DOCK3: variants seen among roughly 807,000 people sequenced by gnomAD.
DOCK3 encodes dedicator of cytokinesis protein 3.
In DOCK3, 60 loss-of-function variants were observed where a neutral mutation model predicts 265.6. That is an observed-to-expected ratio of 0.23 (90% CI 0.18 to 0.28). The LOEUF is 0.28. DOCK3 is among the 10% of genes least tolerant of loss of function. DOCK3 has a pLI of 1.00. For synonymous variants in DOCK3, 881 were observed against 938.0 expected (o/e 0.94, Z 1.11); for missense variants, 1,981 against 2,594.3 (o/e 0.76, Z 5.14).
intron 3 of DOCK3, among the ~76,000 whole-genome samples, chr3:50,866,550 A>G (rs2047156107): frequency 6.7e-6 from 1 of 150,258 alleles, no homozygotes; most frequent in Non-Finnish European, 1.5e-5. Flanking sequence ...ATTTTCTTCT[A>G]GTAGTTTTGT....
intron 2 of DOCK3, among the ~76,000 whole-genome samples, chr3:50,802,337 TTGTG>T (rs1285146875): frequency 6.6e-6 from 1 of 152,162 alleles, no homozygotes; most frequent in Non-Finnish European, 1.5e-5. Flanking sequence ...TCTCTCTTGT[TTGTG>T]TATGAGTCCT....
At chr3:51,069,677 T>G (rs2081769602) in intron 6 of DOCK3, among the ~76,000 whole-genome samples, 1 of 152,104 alleles carries the variant, frequency 6.6e-6, no homozygotes, top group African/African-American at 2.4e-5. Context: ...TTCTACTTTC[T>G]CATATTTTTA....
chr3:51,124,575 C>T (rs2084180035), intron 9 of DOCK3, among the ~76,000 whole-genome samples: 1 of 151,942 alleles, frequency 6.6e-6, no homozygotes, highest in South Asian at 2.1e-4. Context: ...AGACATGAAG[C>T]AAAAGAAGAA....
rs369703459 is a variant in DOCK3, at chr3:51,380,141, C to G, written c.5517C>G (p.His1839Gln). The G allele has an allele frequency of 3.4e-4, 545 of 1,613,604 alleles. No individual in the cohort carries two copies. The highest frequency in any genetic ancestry group is 4.3e-4 in the Non-Finnish European group (512 of 1,179,760). ...CCTTTGCAGGTCATTACTCCCTACA[C>G]TTTGACGCCTTCCACCACCCTCTGG... The part of the protein sequence containing the change: ...SVAEKGHYSL[H>Q]FDAFHHPLGD... Residue 1839 changes from histidine to glutamine, a missense_variant, in exon 52 of 53, where the codon CAC (histidine) becomes CAG (glutamine). Coordinates refer to ENST00000266037, the MANE Select transcript of DOCK3 (RefSeq NM_004947.5).
chr3:50,815,896 CA>C (rs1259662547), intron 2 of DOCK3, among the ~76,000 whole-genome samples: 1 of 152,132 alleles, frequency 6.6e-6, no homozygotes, highest in Non-Finnish European at 1.5e-5. Flanking sequence ...AAGGTCAGAA[CA>C]GAGAAGTGGA....
chr3:51,334,153 G>T (rs978674551), intron 35 of DOCK3, among the ~76,000 whole-genome samples: 2 of 152,130 alleles, frequency 1.3e-5, no homozygotes, highest in African/African-American at 2.4e-5. Flanking sequence ...GCCAGAATTA[G>T]AATTTCTTAA....
At chr3:50,747,743 A>G (rs550153994) in intron 1 of DOCK3, among the ~76,000 whole-genome samples, 2 of 152,088 alleles carry the variant, frequency 1.3e-5, no homozygotes, top group Non-Finnish European at 2.9e-5. Context: ...GCATGCCTAT[A>G]ATCCCAGCTG....
chr3:50,736,191 G>T (rs889519183), intron 1 of DOCK3, among the ~76,000 whole-genome samples: 2 of 152,062 alleles, frequency 1.3e-5, no homozygotes, highest in African/African-American at 4.8e-5. Flanking sequence ...GAGAATGATG[G>T]TTTCCAGCTT....
chr3:51,260,474 C>A, intron 23 of DOCK3, 148 bp downstream of exon 23: 1 of 1,004,726 alleles, frequency 1.0e-6, no homozygotes, highest in Non-Finnish European at 1.4e-6. Flanking sequence ...CCTGATACAA[C>A]AAAATGCTGC....
At chr3:50,954,677 G>T (rs1313029492) in intron 5 of DOCK3, among the ~76,000 whole-genome samples, 1 of 151,614 alleles carries the variant, frequency 6.6e-6, no homozygotes, top group African/African-American at 2.4e-5. Flanking sequence ...TAATGAGGTG[G>T]TTTTTTTTCT....
chr3:50,914,400 A>G (rs1338083808), intron 4 of DOCK3, among the ~76,000 whole-genome samples: 3 of 151,878 alleles, frequency 2.0e-5, no homozygotes, highest in Non-Finnish European at 4.4e-5. Context: ...TTGTGTTTCT[A>G]TTTTCACTTG....
rs1383928470 is a variant in DOCK3, at chr3:51,381,666, G to A, written c.*107G>A. On this transcript the variant is annotated 3_prime_UTR_variant, in exon 53 of 53. Coordinates refer to ENST00000266037, the MANE Select transcript of DOCK3 (RefSeq NM_004947.5). The surrounding 1 kb of genome is among the most constrained non-coding windows in gnomAD (Gnocchi z 5.6). ...CCACCCCAGGGAGCCAGAGAGGCTTGCACTCAGGAGAGAACCACCCCCAAG... is the reference window on the plus strand; with the variant it reads ...CCACCCCAGGGAGCCAGAGAGGCTTACACTCAGGAGAGAACCACCCCCAAG... 2.1e-6 allele frequency: 3 copies of A among 1,404,044 alleles called. No homozygotes were observed. Among genetic ancestry groups the A allele is most frequent in the Non-Finnish European group, 2.8e-6 (3 of 1,073,296 alleles). The allele number at this position is 1,404,044 out of a possible 1,614,324, so 87.0% of individuals were successfully genotyped here.
At chr3:51,271,152 G>T (rs1347973787) in intron 24 of DOCK3, 145 bp downstream of exon 24, 3 of 969,808 alleles carry the variant, frequency 3.1e-6, no homozygotes, top group East Asian at 5.1e-5. Flanking sequence ...AGAATTTTTT[G>T]ATAAACTATA....
At chr3:50,740,167 T>C (rs1043327542) in intron 1 of DOCK3, among the ~76,000 whole-genome samples, 1 of 152,202 alleles carries the variant, frequency 6.6e-6, no homozygotes, top group African/African-American at 2.4e-5. Flanking sequence ...CTCATTATTT[T>C]GTGATTTATC....
intron 3 of DOCK3, among the ~76,000 whole-genome samples, chr3:50,858,698 C>T (rs1258140913): frequency 6.6e-6 from 1 of 152,090 alleles, no homozygotes; most frequent in Non-Finnish European, 1.5e-5. Flanking sequence ...GTTGGTTTCT[C>T]TAGCAAGGTT....
intron 2 of DOCK3, among the ~76,000 whole-genome samples, chr3:50,788,886 G>GTT (rs1424762619): frequency 6.6e-6 from 1 of 152,206 alleles, no homozygotes; most frequent in Non-Finnish European, 1.5e-5. Flanking sequence ...CCCTTCCTTT[G>GTT]TTGGCCACCC....
chr3:51,012,055 A>C (rs2078973973), intron 5 of DOCK3, among the ~76,000 whole-genome samples: 1 of 152,182 alleles, frequency 6.6e-6, no homozygotes, highest in Non-Finnish European at 1.5e-5. Context: ...CCTCCCAGTT[A>C]GGCTACTCGG....
chr3:51,050,110 G>C (rs991423203), intron 5 of DOCK3, among the ~76,000 whole-genome samples: 3 of 152,122 alleles, frequency 2.0e-5, no homozygotes, highest in Admixed American at 6.6e-5. Context: ...TTAGCTGGGC[G>C]TGGTAGCTTA....
At chr3:51,004,134 A>G (rs1168345563) in intron 5 of DOCK3, among the ~76,000 whole-genome samples, 1 of 151,956 alleles carries the variant, frequency 6.6e-6, no homozygotes, top group Admixed American at 6.6e-5. Context: ...GTGGGTTGTC[A>G]TCTTTGAGAT....
Sources: gnomAD v4.1 joint callset for allele counts (sites outside exome capture counted in the v4.1 genomes callset) on GRCh38, gnomAD v4.1.1 for gene constraint, Gnocchi (gnomAD v3.1) non-coding constraint, MANE v1.5 for transcripts, NCBI Gene and HGNC (gene_info 2026-07-23, HGNC 2026-07-21) for gene names.